The following PTBP2 variants were observed in gnomAD, a reference collection of about 807,000 sequenced individuals.
PTBP2 encodes the protein polypyrimidine tract-binding protein 2.
A neutral mutation model predicts 61.4 loss-of-function variants in PTBP2; 13 were observed. The ratio of observed to expected loss-of-function variants is 0.21; its 90% CI spans 0.14 to 0.34. The LOEUF (loss-of-function observed/expected upper bound fraction) is 0.34. PTBP2 is among the 10% of genes least tolerant of loss of function. The probability of loss-of-function intolerance (pLI) is 1.00; values close to 1 mark genes in which losing one functional copy is unlikely to be tolerated. For missense variants in PTBP2, 405 were observed against 642.6 expected (o/e 0.63, Z 4.00); for synonymous variants, 215 against 218.5 (o/e 0.98, Z 0.14).
downstream of PTBP2, chr1:96,815,471 G>A (rs533588300): frequency 6.6e-6 from 1 of 152,190 alleles, no homozygotes; most frequent in South Asian, 2.1e-4. Flanking sequence ...AACTGAGGAT[G>A]TTACTACTGT....
chr1:96,724,745 T>C (rs981567904), intron 2 of PTBP2, among the ~76,000 whole-genome samples: 2 of 151,022 alleles, frequency 1.3e-5, no homozygotes, highest in East Asian at 3.9e-4. Flanking sequence ...TTAGGAGATA[T>C]ACCTAATGCT....
At chr1:96,767,128 A>G (rs1003277131) in intron 3 of PTBP2, among the ~76,000 whole-genome samples, 2 of 152,158 alleles carry the variant, frequency 1.3e-5, no homozygotes, top group African/African-American at 4.8e-5. Flanking sequence ...AGAAGTCAAG[A>G]TCTTTGTCTT....
At chr1:96,735,910 A>G (rs928353243) in intron 2 of PTBP2, among the ~76,000 whole-genome samples, 1 of 152,214 alleles carries the variant, frequency 6.6e-6, no homozygotes, top group Non-Finnish European at 1.5e-5. Flanking sequence ...GAAAACCTGG[A>G]CACATAACAG....
chr1:96,802,896 C>T (rs546024498), intron 8 of PTBP2, among the ~76,000 whole-genome samples: 1 of 152,234 alleles, frequency 6.6e-6, no homozygotes, highest in East Asian at 1.9e-4. Flanking sequence ...ATATTCTGTG[C>T]ATTCAGTCAG....
chr1:96,783,070 C>T (rs1658869932), intron 7 of PTBP2, among the ~76,000 whole-genome samples: 1 of 151,990 alleles, frequency 6.6e-6, no homozygotes, highest in Admixed American at 6.6e-5. Context: ...CACCACATTC[C>T]TGATTGCTGA....
intron 8 of PTBP2, among the ~76,000 whole-genome samples, chr1:96,803,837 G>A (rs867140853): frequency 6.6e-6 from 1 of 152,114 alleles, no homozygotes; most frequent in African/African-American, 2.4e-5. Context: ...ATTTAGTTTG[G>A]GTGTTTGTTC....
chr1:96,748,222 G>A lies in PTBP2; in HGVS notation c.40-3203G>A, dbSNP rs916363280. ...GTTCTCAGTCCCAAACCATAGCAGA[G>A]CCCAGAGACTCTTGTCACCCTCAGC... On this transcript the variant is annotated intron_variant, in intron 2 of 13. Transcript: ENST00000674951. 2.0e-5 allele frequency among the ~76,000 whole-genome samples: 3 copies of A among 152,144 alleles called. No homozygotes were observed. The South Asian group carries it at 6.2e-4, about 32-fold the overall frequency.
At chr1:96,801,164 AT>A (rs1660956770) in intron 8 of PTBP2, among the ~76,000 whole-genome samples, 2 of 152,090 alleles carry the variant, frequency 1.3e-5, no homozygotes, top group South Asian at 4.1e-4. Context: ...TATTTTATGA[AT>A]TTATACTTTT....
At chr1:96,796,290 C>CA (rs35764825) in intron 8 of PTBP2, among the ~76,000 whole-genome samples, 41,228 of 122,950 alleles carry the variant, frequency 0.34, 7,340 homozygotes, top group South Asian at 0.53. Flanking sequence ...CCGTCTCCAC[C>CA]AAAAAAAAAA....
At chr1:96,774,326 T>C (rs112834901) in intron 5 of PTBP2, among the ~76,000 whole-genome samples, 7 of 152,334 alleles carry the variant, frequency 4.6e-5, no homozygotes, top group African/African-American at 1.7e-4. Context: ...TTCCTGTGGC[T>C]GCTACCAGTA....
In PTBP2 at chr1:96,722,493, C is replaced by T. The variant is rs566656101; in HGVS notation, c.8+621C>T. 7.9e-5 allele frequency among the ~76,000 whole-genome samples: 12 copies of T among 151,774 alleles called. No homozygotes were observed. The East Asian group carries it at 2.3e-3, about 30-fold the overall frequency. ...GAAGGGGGAGGGCAGATGTCATACT[C>T]CTTTGTTTTCATTTGAGTCTGGTAG... On this transcript the variant is annotated intron_variant, in intron 1 of 13. Coordinates refer to ENST00000674951, the MANE Select transcript of PTBP2 (RefSeq NM_021190.4).
intron 2 of PTBP2, among the ~76,000 whole-genome samples, chr1:96,739,154 T>C (rs1652635106): frequency 6.6e-6 from 1 of 152,164 alleles, no homozygotes; most frequent in Non-Finnish European, 1.5e-5. Flanking sequence ...TAATTCTTTA[T>C]ATATTTTCTC....
chr1:96,727,402 G>T (rs907811202), intron 2 of PTBP2, among the ~76,000 whole-genome samples: 3 of 152,068 alleles, frequency 2.0e-5, no homozygotes, highest in Admixed American at 6.5e-5. Flanking sequence ...CATTTCTCTT[G>T]GTGGGGCAGG....
downstream of PTBP2, chr1:96,815,723 A>G (rs775246846): frequency 2.0e-5 from 3 of 152,200 alleles, no homozygotes; most frequent in Admixed American, 6.5e-5. Context: ...CCAAGAAAGA[A>G]GAATATAATA....
rs1478552406 is a variant in PTBP2 at position 96,814,482 on chromosome 1, T to C, written c.*1077T>C. ...TTTAGTCTTAATTTACCTTGCATTG[T>C]AATATTCAGTTTTAATAAATCTTCA... is the stretch of plus-strand genomic sequence containing the variant. On this transcript the variant is annotated 3_prime_UTR_variant, in exon 14 of 14. Transcript: ENST00000674951. 6.6e-6 allele frequency: 1 copy of C among 152,576 alleles called. No individual in the cohort carries two copies. Among genetic ancestry groups the C allele is most frequent in the Non-Finnish European group, 1.5e-5 (1 of 67,972 alleles). The allele number at this position is 152,576 out of a possible 1,614,324, so 9.5% of individuals were successfully genotyped here.
intron 3 of PTBP2, among the ~76,000 whole-genome samples, chr1:96,761,345 G>GAT (rs1234578997): frequency 8.7e-5 from 7 of 80,854 alleles, no homozygotes; most frequent in Admixed American, 2.6e-4. Context: ...TGTGGGATTT[G>GAT]ATGTGTGTGT....
Position 96,757,861 on chromosome 1 carries a change from T to G in PTBP2, c.115+6361T>G, listed in dbSNP as rs373503872. On this transcript the variant is annotated intron_variant, in intron 3 of 13. Coordinates refer to ENST00000674951, the MANE Select transcript of PTBP2 (RefSeq NM_021190.4). ...GTTACCACAAGGACATATTTTTGAC[T>G]GAATGAAAATATATCAAAATTTGTT... is the stretch of plus-strand genomic sequence containing the variant. 2.6e-4 allele frequency among the ~76,000 whole-genome samples: 40 copies of G among 152,186 alleles called. No homozygotes were observed. In the South Asian group the frequency reaches 7.7e-3, roughly 29 times the overall value.
At chr1:96,770,067 A>G (rs925903797) in intron 4 of PTBP2, among the ~76,000 whole-genome samples, 192 bp downstream of exon 4, 3 of 152,000 alleles carry the variant, frequency 2.0e-5, no homozygotes, top group African/African-American at 7.2e-5. Flanking sequence ...TAGTTTTTAA[A>G]CTTTGTCTTT....
At chr1:96,737,910 A>G (rs1490590030) in intron 2 of PTBP2, among the ~76,000 whole-genome samples, 1 of 151,946 alleles carries the variant, frequency 6.6e-6, no homozygotes, top group African/African-American at 2.4e-5. Context: ...GCTTGCTTTC[A>G]TGCCACGCTG....
Sources: gnomAD v4.1 joint callset for allele counts (sites outside exome capture counted in the v4.1 genomes callset) on GRCh38, gnomAD v4.1.1 for gene constraint, MANE v1.5 for transcripts, NCBI Gene and HGNC (gene_info 2026-07-23, HGNC 2026-07-21) for gene names.